GARIN1B: variants seen among roughly 807,000 people sequenced by gnomAD.
GARIN1B encodes Golgi-associated RAB2 interactor protein 1B.
the GARIN1B span, among the ~76,000 whole-genome samples, chr7:128,729,154 C>G: frequency 2.0e-5 from 3 of 152,086 alleles, no homozygotes; most frequent in African/African-American, 7.2e-5. Flanking sequence ...GCCTCCAGGC[C>G]CTCTTTTCTC....
chr7:128,711,084 G>A, the GARIN1B span, among the ~76,000 whole-genome samples: 1 of 152,110 alleles, frequency 6.6e-6, no homozygotes, highest in Non-Finnish European at 1.5e-5. Context: ...GAAGAGTCTT[G>A]TCAAATATTT....
chr7:128,723,113 C>G, the GARIN1B span: 1 of 1,425,310 alleles, frequency 7.0e-7, no homozygotes, highest in East Asian at 2.5e-5. Flanking sequence ...AGTTCCAACA[C>G]TTTAGAGTCT....
chr7:128,725,920 G>A, the GARIN1B span, among the ~76,000 whole-genome samples: 3 of 152,190 alleles, frequency 2.0e-5, no homozygotes, highest in Non-Finnish European at 4.4e-5. Flanking sequence ...TTGAGAGGAG[G>A]CTAAGGTCTG....
At chr7:128,712,041 A>AAAAAAC in the GARIN1B span, among the ~76,000 whole-genome samples, 17 of 152,254 alleles carry the variant, frequency 1.1e-4, no homozygotes, top group South Asian at 6.2e-4. Context: ...ACTCCGCCTC[A>AAAAAAC]AAAAACAAAA....
At chr7:128,724,767 A>G in the GARIN1B span, 1 of 1,289,746 alleles carries the variant, frequency 7.8e-7, no homozygotes, top group Non-Finnish European at 1.0e-6. Context: ...TTGTCACAAC[A>G]GGAACCAGTT....
At chr7:128,709,751 T>TCTC in the GARIN1B span, among the ~76,000 whole-genome samples, 12 of 926 alleles carry the variant, frequency 0.013, no homozygotes, top group Non-Finnish European at 0.025. Context: ...TCTCTCTCTC[T>TCTC]TTTTTTTTTT....
chr7:128,715,338 G>A, the GARIN1B span: 1 of 1,528,426 alleles, frequency 6.5e-7, no homozygotes, highest in Non-Finnish European at 8.7e-7. Flanking sequence ...ATTCATCATT[G>A]TGAGCTGACT....
chr7:128,724,589 G>A, the GARIN1B span, among the ~76,000 whole-genome samples: 4 of 152,188 alleles, frequency 2.6e-5, no homozygotes, highest in African/African-American at 4.8e-5. Flanking sequence ...AAAAGAGACA[G>A]GAGTTGAGCG....
chr7:128,723,053 C>A, the GARIN1B span: 1 of 970,158 alleles, frequency 1.0e-6, no homozygotes, highest in Non-Finnish European at 1.5e-6. Context: ...AATATGGCCT[C>A]AGAATTGCCT....
At chr7:128,730,046 G>A in the GARIN1B span, 7 of 1,614,012 alleles carry the variant, frequency 4.3e-6, no homozygotes, top group Non-Finnish European at 5.9e-6. Flanking sequence ...GCCTCCACCG[G>A]GCCACAGCTG....
chr7:128,720,208 T>C, the GARIN1B span, among the ~76,000 whole-genome samples: 2 of 151,350 alleles, frequency 1.3e-5, no homozygotes, highest in Non-Finnish European at 3.0e-5. Flanking sequence ...TTCTTCTTTT[T>C]TTTTTTTTTT....
chr7:128,717,042 G>A, the GARIN1B span: 4 of 1,523,586 alleles, frequency 2.6e-6, no homozygotes, highest in South Asian at 2.5e-5. Flanking sequence ...GGTGAGGGGT[G>A]GATGCAAAGT....
chr7:128,731,402 G>GAC, the GARIN1B span: 1 of 508,422 alleles, frequency 2.0e-6, no homozygotes, highest in East Asian at 3.2e-5. Flanking sequence ...AGGGAAGTAG[G>GAC]ACCAGAGAAG....
the GARIN1B span, among the ~76,000 whole-genome samples, chr7:128,718,636 T>TC: frequency 6.6e-6 from 1 of 152,156 alleles, no homozygotes; most frequent in Non-Finnish European, 1.5e-5. Flanking sequence ...AGTGGTGTCT[T>TC]CAGGTGTCTG....
chr7:128,724,064 G>A, the GARIN1B span, among the ~76,000 whole-genome samples: 1 of 152,196 alleles, frequency 6.6e-6, no homozygotes, highest in Non-Finnish European at 1.5e-5. Flanking sequence ...AGGCTGGAGT[G>A]CAGTGGCACA....
the GARIN1B span, chr7:128,715,834 C>T: frequency 4.8e-3 from 3,492 of 727,670 alleles, 21 homozygotes; most frequent in Middle Eastern, 0.012. Flanking sequence ...GCAAGGCCAC[C>T]CTCACTGACC....
chr7:128,713,644 G>A, the GARIN1B span, among the ~76,000 whole-genome samples: 6 of 152,270 alleles, frequency 3.9e-5, no homozygotes, highest in African/African-American at 1.4e-4. Flanking sequence ...ATCTTGTTTA[G>A]AGCTAAAAAA....
At chr7:128,718,681 C>T in the GARIN1B span, 15 of 918,492 alleles carry the variant, frequency 1.6e-5, no homozygotes, top group Non-Finnish European at 2.1e-5. Flanking sequence ...TATTTGGTCT[C>T]CCCAACAATT....
At chr7:128,720,960 T>G in the GARIN1B span, among the ~76,000 whole-genome samples, 1 of 152,000 alleles carries the variant, frequency 6.6e-6, no homozygotes, top group Admixed American at 6.6e-5. Context: ...TGCATTTTCA[T>G]ATAAATTTTA....
Sources: gnomAD v4.1 joint callset for allele counts (sites outside exome capture counted in the v4.1 genomes callset) on GRCh38, gnomAD v4.1.1 for gene constraint, MANE v1.5 for transcripts, NCBI Gene and HGNC (gene_info 2026-07-23, HGNC 2026-07-21) for gene names.